The following CHCHD3 variants were observed in gnomAD, a reference collection of about 807,000 sequenced individuals.
CHCHD3 encodes the protein MICOS complex subunit MIC19.
In CHCHD3, 20 loss-of-function variants were observed where a neutral mutation model predicts 38.2. The observed-to-expected ratio is 0.52, with a 90% CI of 0.37 to 0.76. The LOEUF (loss-of-function observed/expected upper bound fraction) is 0.76, where lower values mean the gene tolerates loss of function less well. Ranked by LOEUF, CHCHD3 falls within the 30% of genes least tolerant of loss-of-function variation. CHCHD3 has a pLI of 0.00. For synonymous variants in CHCHD3, 82 were observed against 100.0 expected (o/e 0.82, Z 1.07); for missense variants, 245 against 279.2 (o/e 0.88, Z 0.87).
chr7:132,953,108 G>C (rs988285217), intron 4 of CHCHD3, among the ~76,000 whole-genome samples: 1 of 152,000 alleles, frequency 6.6e-6, no homozygotes, highest in Non-Finnish European at 1.5e-5. Context: ...ATCCATCAAG[G>C]AAAATTCCTC....
chr7:132,872,632 T>C (rs1054959546), intron 5 of CHCHD3, among the ~76,000 whole-genome samples: 3 of 152,224 alleles, frequency 2.0e-5, no homozygotes, highest in Admixed American at 6.5e-5. Context: ...TGCCCTGTAA[T>C]AAAGCTGGTT....
chr7:132,955,081 C>G (rs1250323352), intron 4 of CHCHD3, among the ~76,000 whole-genome samples: 2 of 151,956 alleles, frequency 1.3e-5, no homozygotes, highest in African/African-American at 2.4e-5. Context: ...GGCCTTAGCC[C>G]AGGGAAGTCA....
At chr7:132,942,409 T>C (rs1024035732) in intron 4 of CHCHD3, among the ~76,000 whole-genome samples, 3 of 152,192 alleles carry the variant, frequency 2.0e-5, no homozygotes, top group African/African-American at 7.2e-5. Flanking sequence ...ACACTGAGCA[T>C]GTATCCTACC....
At chr7:132,835,243 A>C (rs1262253452) in intron 6 of CHCHD3, among the ~76,000 whole-genome samples, 2 of 151,408 alleles carry the variant, frequency 1.3e-5, no homozygotes, top group Non-Finnish European at 2.9e-5. Flanking sequence ...CGGCCTCCCT[A>C]AGTGCTGGGA....
At chr7:133,012,255 G>C (rs978912082) in intron 3 of CHCHD3, among the ~76,000 whole-genome samples, 1 of 152,092 alleles carries the variant, frequency 6.6e-6, no homozygotes, top group Non-Finnish European at 1.5e-5. Context: ...ATAATGAAAT[G>C]CACAATTTCC....
intron 2 of CHCHD3, among the ~76,000 whole-genome samples, chr7:133,066,742 G>A (rs181857769): frequency 3.3e-5 from 5 of 152,028 alleles, no homozygotes; most frequent in South Asian, 2.1e-4. Context: ...AAAACCTCCC[G>A]ACCCATCCCC....
At chr7:132,827,440 T>G in intron 6 of CHCHD3, among the ~76,000 whole-genome samples, 1 of 152,356 alleles carries the variant, frequency 6.6e-6, no homozygotes, top group East Asian at 1.9e-4. Flanking sequence ...GTTGTGGACC[T>G]GCCTTTGACT....
At chr7:133,054,619 C>G (rs529218515) in intron 2 of CHCHD3, among the ~76,000 whole-genome samples, 33 of 152,228 alleles carry the variant, frequency 2.2e-4, no homozygotes, top group African/African-American at 7.9e-4. Context: ...AAGTACCATG[C>G]AATGGTGTTT....
chr7:132,798,759 AAG>A (rs1478808917), intron 6 of CHCHD3, among the ~76,000 whole-genome samples: 2 of 152,142 alleles, frequency 1.3e-5, no homozygotes, highest in Non-Finnish European at 1.5e-5. Context: ...GCATGTCATA[AAG>A]AAGACAGTTT....
intron 2 of CHCHD3, among the ~76,000 whole-genome samples, chr7:133,060,559 TG>T (rs199817389): frequency 0.01 from 1,585 of 152,024 alleles, 23 homozygotes; most frequent in African/African-American, 0.036. Context: ...GAGATAGCAG[TG>T]GGGCAGGGCT....
intron 5 of CHCHD3, among the ~76,000 whole-genome samples, chr7:132,843,875 A>G (rs920680964): frequency 3.3e-5 from 5 of 152,246 alleles, no homozygotes; most frequent in Admixed American, 1.3e-4. Context: ...TCTGTGCTCA[A>G]ATAAGGAACA....
At chr7:132,822,377 A>G (rs139054109) in intron 6 of CHCHD3, among the ~76,000 whole-genome samples, 1 of 152,338 alleles carries the variant, frequency 6.6e-6, no homozygotes, top group East Asian at 1.9e-4. Context: ...TTTAAATTAT[A>G]CAAGTCAAAA....
chr7:132,900,523 TA>T lies in CHCHD3; in HGVS notation c.370-14779del, dbSNP rs983636722. On this transcript the variant is annotated intron_variant, in intron 4 of 7. Coordinates refer to ENST00000262570, the MANE Select transcript of CHCHD3 (RefSeq NM_017812.4). ...TATACAAGATTCATTCACAAACCTT[TA>T]AATGAAAGCCAGCACTTTCATCTAG... Among the ~76,000 whole-genome samples the T allele has an allele frequency of 1.5e-3, 231 of 152,212 alleles. 2 individuals are homozygous for T. Among genetic ancestry groups the T allele is most frequent in the Non-Finnish European group, 3.7e-4 (25 of 68,002 alleles).
At position 132,838,379 on chromosome 7, in the gene CHCHD3, T is replaced by C. The variant is rs199868929; in HGVS notation, c.524+20A>G. On this transcript the variant is annotated intron_variant, in intron 6 of 7. Coordinates refer to ENST00000262570, the MANE Select transcript of CHCHD3 (RefSeq NM_017812.4). ...TCTTGTTAAGAATAGTAAATAATTA[T>C]AATACTATTAAAAACTTACTTGAAC... The C allele has an allele frequency of 8.0e-6, 12 of 1,507,178 alleles. No homozygotes were observed. The highest frequency in any genetic ancestry group is 2.3e-5 in the East Asian group (1 of 44,096). 93.4% of individuals were successfully genotyped at this position (1,507,178 alleles called of 1,614,324 possible).
chr7:133,033,744 C>T (rs1813569416), intron 2 of CHCHD3, among the ~76,000 whole-genome samples: 1 of 152,150 alleles, frequency 6.6e-6, no homozygotes, highest in South Asian at 2.1e-4. Context: ...TTCTCTAGCT[C>T]CATACTCACC....
chr7:132,897,068 G>A (rs1374403130), intron 4 of CHCHD3, among the ~76,000 whole-genome samples: 1 of 152,198 alleles, frequency 6.6e-6, no homozygotes, highest in Non-Finnish European at 1.5e-5. Flanking sequence ...AGTACAGAGT[G>A]GGAAGAAATA....
chr7:133,058,858 C>G (rs139035859), intron 2 of CHCHD3, among the ~76,000 whole-genome samples: 1 of 152,302 alleles, frequency 6.6e-6, no homozygotes, highest in East Asian at 1.9e-4. Context: ...AAAGCAAATT[C>G]TAGAGGTTTT....
At chr7:132,811,125 G>A (rs937343131) in intron 6 of CHCHD3, among the ~76,000 whole-genome samples, 1 of 152,036 alleles carries the variant, frequency 6.6e-6, no homozygotes, top group Non-Finnish European at 1.5e-5. Flanking sequence ...CATAAGATCT[G>A]GATCTGCACC....
chr7:132,996,573 T>C (rs1812422650), intron 3 of CHCHD3, among the ~76,000 whole-genome samples: 1 of 152,008 alleles, frequency 6.6e-6, no homozygotes, highest in Admixed American at 6.6e-5. Context: ...CCCTTCAGAG[T>C]TGCTAAAATT....
Sources: allele counts gnomAD v4.1 joint callset (sites outside exome capture counted in the v4.1 genomes callset), GRCh38; gene constraint gnomAD v4.1.1; transcripts MANE v1.5; gene names NCBI Gene and HGNC (gene_info 2026-07-23, HGNC 2026-07-21).